C6orf118: variants seen among roughly 807,000 people sequenced by gnomAD.
C6orf118 encodes the protein chromosome 6 open reading frame 118.
A neutral mutation model predicts 50.2 loss-of-function variants in C6orf118; 50 were observed. That is an observed-to-expected ratio of 1.00 (90% CI 0.79 to 1.26). The LOEUF (loss-of-function observed/expected upper bound fraction) is 1.26. Among genes scored for constraint, C6orf118 ranks in the 50% most tolerant of loss-of-function variants. The pLI is 0.00. For missense variants in C6orf118, 641 were observed against 578.7 expected (o/e 1.11, Z -1.10); for synonymous variants, 239 against 230.9 (o/e 1.03, Z -0.32).
chr6:165,308,104 GGA>G (rs999423213), intron 1 of C6orf118, among the ~76,000 whole-genome samples: 1 of 152,324 alleles, frequency 6.6e-6, no homozygotes, highest in Admixed American at 6.5e-5. Flanking sequence ...TGAGCCCAAG[GGA>G]GAAGCACATG....
At chr6:165,302,496 A>G (rs944844970) in intron 1 of C6orf118, among the ~76,000 whole-genome samples, 200 bp from the exon 2 acceptor site, 1 of 152,180 alleles carries the variant, frequency 6.6e-6, no homozygotes, top group Non-Finnish European at 1.5e-5. Flanking sequence ...AGAGGCGCCC[A>G]GGCCCCCAGG....
rs756304210 is a variant in C6orf118, at chr6:165,289,953, T to C, written c.1235A>G (p.Glu412Gly). The change falls in exon 7 of 9, where the codon GAA becomes GGA. Residue 412 changes from glutamate to glycine, a missense_variant. Transcript: ENST00000230301. ...AGTATGAACCAAAGTTGTTTTAATT[T>C]CTTTTTCCAGAGCTTGTATCTCATC... ...KWDEIQALEK[E>G]IKTTLVHTGI... The C allele has an allele frequency of 2.5e-6, 4 of 1,611,406 alleles. No homozygotes were observed. Among genetic ancestry groups the C allele is most frequent in the South Asian group, 1.1e-5 (1 of 90,614 alleles).
Position 165,309,300 on chromosome 6 carries a change from C to G in C6orf118, c.25+262G>C, listed in dbSNP as rs530467305. ...CGGAGACTCCAACACACGGCGCGTC[C>G]GTCCGCGCAGGTCCACACTCGCTGG... On this transcript the variant is annotated intron_variant, in intron 1 of 8. Coordinates refer to ENST00000230301, the MANE Select transcript of C6orf118 (RefSeq NM_144980.4). Among the ~76,000 whole-genome samples, 6 of 152,338 alleles carry G rather than the reference C, an allele frequency of 3.9e-5. No homozygotes were observed. In the East Asian group the frequency reaches 7.7e-4, roughly 20 times the overall value.
intron 5 of C6orf118, among the ~76,000 whole-genome samples, chr6:165,293,982 C>G (rs1226535951): frequency 6.6e-6 from 1 of 152,082 alleles, no homozygotes. Flanking sequence ...CATGGTGGCT[C>G]ATGCCTGTAA....
intron 2 of C6orf118, among the ~76,000 whole-genome samples, chr6:165,300,825 T>C (rs1268228822): frequency 2.0e-5 from 3 of 152,060 alleles, no homozygotes; most frequent in African/African-American, 7.2e-5. Context: ...GGGCCTGCTA[T>C]TTTCTTCTCT....
At chr6:165,301,038 C>T (rs930117608) in intron 2 of C6orf118, among the ~76,000 whole-genome samples, 4 of 152,136 alleles carry the variant, frequency 2.6e-5, no homozygotes, top group African/African-American at 4.8e-5. Flanking sequence ...TGCTGACCTA[C>T]GAACATCTGA....
At chr6:165,284,046 G>A (rs1485794948) in intron 7 of C6orf118, among the ~76,000 whole-genome samples, 1 of 152,178 alleles carries the variant, frequency 6.6e-6, no homozygotes, top group African/African-American at 2.4e-5. Flanking sequence ...AAAGGAGTAT[G>A]TTCTAATCCA....
chr6:165,290,013 A>G lies in C6orf118; in HGVS notation c.1175T>C (p.Val392Ala), dbSNP rs764527923. The change falls in exon 7 of 9, where the codon GTT becomes GCT. Residue 392 changes from valine (V) to alanine (A), a missense_variant. By Grantham distance (64) the Val-to-Ala change is moderately conservative. Transcript: ENST00000230301. ...GAGTATTTCACACCTCTTCTTTTCAACCTTCTCAGTAAGAGTAAGTCGGTT... is the reference window on the plus strand; with the variant it reads ...GAGTATTTCACACCTCTTCTTTTCAGCCTTCTCAGTAAGAGTAAGTCGGTT... Reference protein sequence around the residue: ...DENRLTLTEKVEKKRCEILSK... With the variant: ...DENRLTLTEKAEKKRCEILSK... The G allele has an allele frequency of 1.2e-6, 2 of 1,609,850 alleles. No homozygotes were observed. Among genetic ancestry groups the G allele is most frequent in the South Asian group, 1.1e-5 (1 of 90,228 alleles).
At chr6:165,283,605 C>T in intron 7 of C6orf118, among the ~76,000 whole-genome samples, 1 of 152,178 alleles carries the variant, frequency 6.6e-6, no homozygotes, top group Non-Finnish European at 1.5e-5. Flanking sequence ...GACAAAGCTC[C>T]CAGAGGAAGG....
Position 165,302,243 on chromosome 6 carries a change from G to C in C6orf118, c.79C>G (p.Leu27Val). The change falls in exon 2 of 9, where the codon CTG (leucine) becomes GTG (valine). Residue 27 changes from leucine (L) to valine (V), a missense_variant. Physicochemically the swap from Leu to Val is conservative, Grantham distance 32 (BLOSUM62 1). Coordinates refer to ENST00000230301, the MANE Select transcript of C6orf118 (RefSeq NM_144980.4). ...ETPGVKTLCN[L>V]KHCETPGVKT... ...ACTCCTGGCGTCTCGCAGTGCTTCA[G>C]ATTACACAGGGTCTTCACGCCTGGC... 2.5e-6 allele frequency: 4 copies of C among 1,613,908 alleles called. No homozygotes were observed. Among genetic ancestry groups the C allele is most frequent in the Non-Finnish European group, 3.4e-6 (4 of 1,179,934 alleles).
At chr6:165,299,692 T>C (rs1427987055) in intron 3 of C6orf118, among the ~76,000 whole-genome samples, 190 bp from the exon 4 acceptor site, 3 of 152,256 alleles carry the variant, frequency 2.0e-5, no homozygotes, top group Admixed American at 6.5e-5. Context: ...CTTTGAAGCA[T>C]ATTTGAGCAT....
chr6:165,299,307 A>T lies in C6orf118; in HGVS notation c.936+136T>A, dbSNP rs765568377. The stretch of plus-strand genomic sequence containing the variant: ...TAAGGCAGTATAAAACTCATCTATA[A>T]CAAAGAACATATCAGCTATTCTAAA... On this transcript the variant is annotated intron_variant, in intron 4 of 8. Transcript: ENST00000230301. The T allele has an allele frequency of 1.5e-4, 100 of 668,842 alleles. 1 individual carries two copies. Among genetic ancestry groups the T allele is most frequent in the Non-Finnish European group, 2.3e-4 (89 of 389,916 alleles). 41.4% of individuals were successfully genotyped at this position (668,842 alleles called of 1,614,324 possible).
chr6:165,301,723 T>C lies in C6orf118; in HGVS notation c.599A>G (p.His200Arg), dbSNP rs747508197. 6.2e-7 allele frequency: 1 copy of C among 1,614,124 alleles called. No individual in the cohort carries two copies. Among genetic ancestry groups the C allele is most frequent in the South Asian group, 1.1e-5 (1 of 91,078 alleles). ...AGSRGTRDRH[H>R]YVSSYLAGAT... ...TCCGGCCAGGTAGGAGCTGACATAGTGGTGCCGGTCCCTGGTGCCTCTGGA... is the reference window on the plus strand; with the variant it reads ...TCCGGCCAGGTAGGAGCTGACATAGCGGTGCCGGTCCCTGGTGCCTCTGGA... Residue 200 changes from histidine to arginine, a missense_variant, in exon 2 of 9, where the codon CAC (histidine) becomes CGC (arginine). His to Arg is a conservative substitution (Grantham distance 29). Coordinates refer to ENST00000230301, the MANE Select transcript of C6orf118 (RefSeq NM_144980.4).
intron 6 of C6orf118, 91 bp downstream of exon 6, chr6:165,293,322 A>C (rs895252254): frequency 8.6e-7 from 1 of 1,164,074 alleles, no homozygotes; most frequent in East Asian, 2.3e-5. Context: ...GCATCTTCCA[A>C]GTTGACAGAC....
intron 1 of C6orf118, 49 bp from the exon 2 acceptor site, chr6:165,302,345 A>G (rs758178314): frequency 6.3e-7 from 1 of 1,575,896 alleles, no homozygotes; most frequent in Non-Finnish European, 8.6e-7. Flanking sequence ...TTAGTTCCAC[A>G]GTAAGTCAGC....
chr6:165,286,295 A>G (rs1380321666), intron 7 of C6orf118, among the ~76,000 whole-genome samples: 1 of 151,990 alleles, frequency 6.6e-6, no homozygotes, highest in African/African-American at 2.4e-5. Flanking sequence ...ATAGTCCACA[A>G]ATTTTTTTTA....
At chr6:165,300,226 C>G in intron 3 of C6orf118, 138 bp downstream of exon 3, 1 of 1,002,156 alleles carries the variant, frequency 1.0e-6, no homozygotes, top group African/African-American at 1.6e-5. Flanking sequence ...GACCTCGAGT[C>G]TCTGGGAGTG....
At position 165,301,752 on chromosome 6, in the gene C6orf118, G is replaced by A. The variant is rs756059342; in HGVS notation, c.570C>T (p.Ala190=). ...PDLKVLCYQE[A]GSRGTRDRHH... ...GCCGGTCCCTGGTGCCTCTGGACCC[G>A]GCCTCCTGGTAGCACAGCACCTTCA... The change falls in exon 2 of 9, where the codon GCC becomes GCT. Residue 190 remains alanine (A), a synonymous_variant. Transcript: ENST00000230301. 28 of 1,613,956 alleles carry A rather than the reference G, an allele frequency of 1.7e-5. No homozygotes were observed. The African/African-American group carries it at 2.7e-4, about 15-fold the overall frequency.
At chr6:165,281,478 T>G in intron 8 of C6orf118, 162 bp downstream of exon 8, 1 of 1,380,530 alleles carries the variant, frequency 7.2e-7, no homozygotes, top group South Asian at 1.6e-5. Flanking sequence ...TGTCAATACT[T>G]ACTCCTGCCT....
Sources: allele counts gnomAD v4.1 joint callset (sites outside exome capture counted in the v4.1 genomes callset), GRCh38; gene constraint gnomAD v4.1.1; transcripts MANE v1.5; gene names NCBI Gene and HGNC (gene_info 2026-07-23, HGNC 2026-07-21).